BICRA: variants seen among roughly 807,000 people sequenced by gnomAD.
The protein encoded by BICRA is BRD4-interacting chromatin-remodeling complex-associated protein.
Under a neutral mutation model 96.9 loss-of-function variants are expected in BICRA, and 31 were observed. The ratio of observed to expected loss-of-function variants is 0.32; its 90% confidence interval spans 0.24 to 0.43. The LOEUF is 0.43. Among genes scored for constraint, BICRA ranks in the 20% least tolerant of loss-of-function variants. BICRA has a pLI of 1.00. For missense variants in BICRA, 2,283 were observed against 2,190.3 expected (o/e 1.04, Z -0.84); for synonymous variants, 1,350 against 1,071.8 (o/e 1.26, Z -5.07).
At chr19:47,694,861 C>G (rs1269091949) in intron 8 of BICRA, 39 bp from the exon 9 acceptor site, 1 of 1,435,556 alleles carries the variant, frequency 7.0e-7, no homozygotes, top group Admixed American at 2.3e-5. Context: ...TACACCTAGC[C>G]TATGTTCCCC....
intron 1 of BICRA, among the ~76,000 whole-genome samples, chr19:47,667,815 G>A (rs1329264825): frequency 3.9e-5 from 6 of 152,148 alleles, no homozygotes; most frequent in South Asian, 2.1e-4. Flanking sequence ...CCAGCCTCGC[G>A]ATAGTGCCTG....
Position 47,624,884 on chromosome 19 carries a change from A to G in BICRA, c.-108+15716A>G, listed in dbSNP as rs559865351. On this transcript the variant is annotated intron_variant, in intron 1 of 14. Transcript: ENST00000594866. ...GATTTTTTAAGTTTTTGCAGAGATG[A>G]GGTTTCACTATGTTGCCCAGGCTGG... Among the ~76,000 whole-genome samples the G allele has an allele frequency of 1.2e-4, 18 of 148,754 alleles. 1 individual carries two copies. In the East Asian group the frequency reaches 2.5e-3, roughly 20 times the overall value.
At chr19:47,643,735 G>A (rs1467829974) in intron 1 of BICRA, among the ~76,000 whole-genome samples, 1 of 152,054 alleles carries the variant, frequency 6.6e-6, no homozygotes, top group Non-Finnish European at 1.5e-5. Context: ...TTGCCATATC[G>A]GGCTCTGGAC....
In BICRA at chr19:47,694,237, C is replaced by A. The variant is rs1386458098; in HGVS notation, c.2406C>A (p.Arg802=). 7.2e-6 allele frequency: 5 copies of A among 698,608 alleles called. No homozygotes were observed. The Admixed American group carries it at 1.3e-4, about 18-fold the overall frequency. 43.3% of individuals were successfully genotyped at this position (698,608 alleles called of 1,614,324 possible). The part of the protein sequence containing the change: ...PSPHPTRPPS[R]PPSRPQSVSR... Reference sequence around the variant, plus strand: ...CACACCCCACCCGGCCCCCTTCCCGCCCACCCTCCCGGCCACAGAGTGTGT... The same window carrying A: ...CACACCCCACCCGGCCCCCTTCCCGACCACCCTCCCGGCCACAGAGTGTGT... The change falls in exon 8 of 15, where the codon CGC becomes CGA. Residue 802 remains arginine, a synonymous_variant. Transcript: ENST00000594866.
At chr19:47,668,343 G>A (rs1355102275) in intron 1 of BICRA, among the ~76,000 whole-genome samples, 2 of 152,192 alleles carry the variant, frequency 1.3e-5, no homozygotes, top group Non-Finnish European at 2.9e-5. Flanking sequence ...TTGCAGAAGT[G>A]GGTAGAGTGG....
rs145418080 is a variant in BICRA, at chr19:47,668,018, TCAGGAGTTCAGACCAGCCTGGCTGA to T, written c.-107-2422_-107-2398del. Among the ~76,000 whole-genome samples, 1,191 of 152,130 alleles carry T rather than the reference TCAGGAGTTCAGACCAGCCTGGCTGA, an allele frequency of 7.8e-3. 11 individuals carry two copies. Among genetic ancestry groups the T allele is most frequent in the African/African-American group, 0.026 (1,080 of 41,508 alleles). On this transcript the variant is annotated intron_variant, in intron 1 of 14. Coordinates refer to ENST00000594866, the MANE Select transcript of BICRA (RefSeq NM_001394372.1). The stretch of plus-strand genomic sequence containing the variant: ...CCAAGGGGGCACAGATCACCTGAGG[TCAGGAGTTCAGACCAGCCTGGCTGA>T]CATAGTGAAACTCTGTCTTTACTAA...
At chr19:47,616,729 C>T (rs28409356) in intron 1 of BICRA, among the ~76,000 whole-genome samples, 70,587 of 151,560 alleles carry the variant, frequency 0.47, 16,821 homozygotes, top group East Asian at 0.53. Context: ...GGTGTTGTGA[C>T]GCTTCAATGA....
chr19:47,653,075 T>G (rs994708714), intron 1 of BICRA, among the ~76,000 whole-genome samples: 1 of 142,198 alleles, frequency 7.0e-6, no homozygotes, highest in Non-Finnish European at 1.5e-5. Flanking sequence ...CAGGCTGGAG[T>G]GCAGTGTTAT....
chr19:47,621,748 C>T (rs758251772), intron 1 of BICRA, among the ~76,000 whole-genome samples: 2 of 151,682 alleles, frequency 1.3e-5, no homozygotes, highest in South Asian at 2.1e-4. Context: ...GGATTACAGG[C>T]GTGAGCCACT....
chr19:47,656,487 C>T (rs1255957736), intron 1 of BICRA, among the ~76,000 whole-genome samples: 2 of 152,130 alleles, frequency 1.3e-5, no homozygotes, highest in Admixed American at 1.3e-4. Context: ...TTTGTATTTC[C>T]CCCAGGAGAC....
In BICRA at chr19:47,701,829, C is replaced by T. The variant is rs766085293; in HGVS notation, c.4097C>T (p.Pro1366Leu). ...CAGATGAACGGCACGGTGGACCACC[C>T]GCCGCCTGCCGCCCCCGAGCGCAAG... Reference protein sequence around the residue: ...TGQMNGTVDHPPPAAPERKPL... With the variant: ...TGQMNGTVDHLPPAAPERKPL... The change falls in exon 15 of 15, where the codon CCG becomes CTG. Residue 1366 changes from proline to leucine, a missense_variant. Pro to Leu is a moderately conservative substitution (Grantham distance 98, BLOSUM62 -3). Coordinates refer to ENST00000594866, the MANE Select transcript of BICRA (RefSeq NM_001394372.1). This position sits in a 1 kb window ranked among gnomAD's most constrained non-coding sequence, Gnocchi z 5.4. The T allele has an allele frequency of 3.9e-6, 6 of 1,523,920 alleles. No individual in the cohort carries two copies. Among genetic ancestry groups the T allele is most frequent in the South Asian group, 1.2e-5 (1 of 83,086 alleles). The allele number at this position is 1,523,920 out of a possible 1,614,324, so 94.4% of individuals were successfully genotyped here.
At chr19:47,609,226 G>A (rs1331974861) in intron 1 of BICRA, 58 bp downstream of exon 1, 1 of 150,560 alleles carries the variant, frequency 6.6e-6, no homozygotes, top group Non-Finnish European at 1.5e-5. Context: ...CTCTACCTGC[G>A]AGTCGGGGCT....
chr19:47,627,863 G>A (rs956404185), intron 1 of BICRA, among the ~76,000 whole-genome samples: 13 of 152,118 alleles, frequency 8.5e-5, no homozygotes, highest in Admixed American at 3.3e-4. Flanking sequence ...TCCACCTCCC[G>A]GGTTCAAGCG....
intron 4 of BICRA, among the ~76,000 whole-genome samples, chr19:47,674,254 G>T (rs929251842): frequency 1.1e-4 from 17 of 152,096 alleles, no homozygotes; most frequent in Admixed American, 1.1e-3. Context: ...AGGCTGATGG[G>T]GCCAAACTGA....
rs145431702 is a variant in BICRA, at chr19:47,638,096, C to G, written c.-108+28928C>G. On this transcript the variant is annotated intron_variant, in intron 1 of 14. Coordinates refer to ENST00000594866, the MANE Select transcript of BICRA (RefSeq NM_001394372.1). The stretch of plus-strand genomic sequence containing the variant: ...ACCCACGGGTCTCTGCCTCCCTCCT[C>G]CCTCTATTCCTCTCTTCCCTCCTCC... Among the ~76,000 whole-genome samples the G allele has an allele frequency of 6.3e-3, 953 of 152,270 alleles. 8 individuals carry two copies. Among genetic ancestry groups the G allele is most frequent in the African/African-American group, 0.022 (895 of 41,554 alleles).
intron 6 of BICRA, 123 bp from the exon 7 acceptor site, chr19:47,681,853 C>A: frequency 1.4e-6 from 1 of 703,052 alleles, no homozygotes; most frequent in South Asian, 1.9e-5. Context: ...CCCTGCCTGC[C>A]AGGCTGCCCA....
At chr19:47,655,137 T>C (rs1972595313) in intron 1 of BICRA, among the ~76,000 whole-genome samples, 1 of 152,142 alleles carries the variant, frequency 6.6e-6, no homozygotes, top group Admixed American at 6.6e-5. Flanking sequence ...ACACCCTGCT[T>C]TCTTATTCTC....
intron 1 of BICRA, among the ~76,000 whole-genome samples, chr19:47,631,957 C>T (rs1275207536): frequency 2.0e-5 from 3 of 152,206 alleles, no homozygotes; most frequent in African/African-American, 7.2e-5. Context: ...CCTTTCCCTG[C>T]TTCTTTTAAA....
chr19:47,695,348 A>ACCCCCCCCCCCC lies in BICRA; in HGVS notation c.3077-13_3077-12insCCCCCCCCCCCC. The ACCCCCCCCCCCC allele has an allele frequency of 5.5e-6, 2 of 365,008 alleles. No individual in the cohort carries two copies. Among genetic ancestry groups the ACCCCCCCCCCCC allele is most frequent in the Non-Finnish European group, 1.0e-5 (2 of 197,048 alleles). The allele number at this position is 365,008 out of a possible 1,614,324, so 22.6% of individuals were successfully genotyped here. On this transcript the variant is annotated splice_polypyrimidine_tract_variant and intron_variant, in intron 9 of 14. Transcript: ENST00000594866. ...AGTGACCGCAGGCCCTGTCTCCCCC[A>ACCCCCCCCCCCC]CCCCACCCACCCCCAGGCCTCCCTC...
Sources: allele counts gnomAD v4.1 joint callset (sites outside exome capture counted in the v4.1 genomes callset), GRCh38; gene constraint gnomAD v4.1.1; non-coding constraint Gnocchi (gnomAD v3.1); transcripts MANE v1.5; gene names NCBI Gene and HGNC (gene_info 2026-07-23, HGNC 2026-07-21).